HEY1: variants seen among roughly 807,000 people sequenced by gnomAD.
HEY1 encodes the protein hairy/enhancer-of-split related with YRPW motif protein 1.
Under a neutral mutation model 28.7 loss-of-function variants are expected in HEY1, and 9 were observed. The ratio of observed to expected loss-of-function variants is 0.31; its 90% CI spans 0.19 to 0.55. The LOEUF is 0.55. Among genes scored for constraint, HEY1 ranks in the 20% least tolerant of loss-of-function variants. The probability of loss-of-function intolerance (pLI) is 0.93; values close to 1 mark genes in which losing one functional copy is unlikely to be tolerated. For synonymous variants in HEY1, 213 were observed against 175.6 expected, an observed-to-expected ratio of 1.21 and a Z score of -1.68; for missense variants, 385 against 399.4, an observed-to-expected ratio of 0.96 and a Z score of 0.31.
At chr8:79,766,407 C>A in intron 4 of HEY1, 1 of 1,451,680 alleles carries the variant, frequency 6.9e-7, no homozygotes, top group South Asian at 1.5e-5. Context: ...GAAGACCTCA[C>A]AAATAATAGG....
chr8:79,767,461 G>C (rs1807874458), intron 1 of HEY1, 114 bp downstream of exon 1: 2 of 1,162,356 alleles, frequency 1.7e-6, no homozygotes, highest in Non-Finnish European at 2.4e-6. Flanking sequence ...CCTGCGACGC[G>C]CGGAGGTCAG....
At position 79,766,639 on chromosome 8, in the gene HEY1, TAGG is replaced by T. The variant is rs780557762; in HGVS notation, c.331+9_331+11del. 2 of 1,614,000 alleles carry T rather than the reference TAGG, an allele frequency of 1.2e-6. No homozygotes were observed. Among genetic ancestry groups the T allele is most frequent in the African/African-American group, 2.7e-5 (2 of 74,920 alleles). On this transcript the variant is annotated intron_variant, in intron 4 of 4. Transcript: ENST00000354724. ...AACCATTCAGAGCCCCCACTAGGTC[TAGG>T]AGATGTACCTTTCCCTCCTGCCGTA...
chr8:79,766,626 C>A (rs1159942486), intron 4 of HEY1, 25 bp downstream of exon 4: 6 of 1,613,302 alleles, frequency 3.7e-6, no homozygotes, highest in Non-Finnish European at 5.1e-6. Context: ...CCATTCAGAG[C>A]CCCCACTAGG....
intron 4 of HEY1, chr8:79,766,348 G>T: frequency 3.4e-6 from 5 of 1,486,334 alleles, no homozygotes; most frequent in Non-Finnish European, 4.4e-6. Context: ...AAATAGCAAT[G>T]GACAAATGTG....
At position 79,767,278 on chromosome 8, in the gene HEY1, G is replaced by C. The variant is rs752584773; in HGVS notation, c.106C>G (p.Leu36Val). The change falls in exon 2 of 5, where the codon CTA (leucine) becomes GTA (valine). Residue 36 changes from leucine (L) to valine (V), a missense_variant. Around this residue, in one of 3 missense-constraint regions of HEY1, gnomAD observed 79 missense variants for 60.7 expected, o/e 1.30. Transcript: ENST00000354724. Reference protein sequence around the residue: ...ADENGNLSSALGSMSPTTSSQ... With the variant: ...ADENGNLSSAVGSMSPTTSSQ... Reference sequence around the variant, plus strand: ...GATGTAGTTGGGGACATGGAACCTAGAGCCGAACTCAAGTTTCTGAAAAGA... The same window carrying C: ...GATGTAGTTGGGGACATGGAACCTACAGCCGAACTCAAGTTTCTGAAAAGA... 1 of 1,612,782 alleles carries C rather than the reference G, an allele frequency of 6.2e-7. No homozygotes were observed. The highest frequency in any genetic ancestry group is 8.5e-7 in the Non-Finnish European group (1 of 1,179,624).
chr8:79,765,604 C>T lies in HEY1; in HGVS notation c.499G>A (p.Ala167Thr). ...AGGCCCGCGTGGGCGCCGCTCGCGGCTTCCCGCTGGGAAGCGTAGTTGTTG... is the reference window on the plus strand; with the variant it reads ...AGGCCCGCGTGGGCGCCGCTCGCGGTTTCCCGCTGGGAAGCGTAGTTGTTG... ...HLNNYASQRE[A>T]ASGAHAGLGH... The change falls in exon 5 of 5, where the codon GCC becomes ACC. Residue 167 changes from alanine (A) to threonine (T), a missense_variant. Physicochemically the swap from Ala to Thr is moderately conservative, Grantham distance 58 (BLOSUM62 0). Transcript: ENST00000354724. 1 of 1,614,172 alleles carries T rather than the reference C, an allele frequency of 6.2e-7. No homozygotes were observed. Among genetic ancestry groups the T allele is most frequent in the South Asian group, 1.1e-5 (1 of 91,088 alleles).
intron 4 of HEY1, chr8:79,766,434 G>T: frequency 6.8e-7 from 1 of 1,466,996 alleles, no homozygotes. Context: ...TCCAAAAGAT[G>T]CACTAGCTCA....
chr8:79,764,716 C>T lies in HEY1; in HGVS notation c.*472G>A, dbSNP rs1297072086. 4.5e-6 allele frequency: 1 copy of T among 221,256 alleles called. No individual in the cohort carries two copies. Among genetic ancestry groups the T allele is most frequent in the East Asian group, 6.7e-5 (1 of 14,970 alleles). The allele number at this position is 221,256 out of a possible 1,614,324, so 13.7% of individuals were successfully genotyped here. On this transcript the variant is annotated 3_prime_UTR_variant, in exon 5 of 5. Coordinates refer to ENST00000354724, the MANE Select transcript of HEY1 (RefSeq NM_012258.4). ...CAAAAGAATATTATTTATACAACACCTTAATCTGTCAAAATATTAACAAAC... is the reference window on the plus strand; with the variant it reads ...CAAAAGAATATTATTTATACAACACTTTAATCTGTCAAAATATTAACAAAC...
rs1223168113 is a variant in HEY1, at chr8:79,765,158, C to T, written c.*30G>A. ...AGTCCAGCCCAGCTGGGATTTTAAA[C>T]TTTCCCCTCCCTCATTCTACATCAG... is the stretch of plus-strand genomic sequence containing the variant. On this transcript the variant is annotated 3_prime_UTR_variant, in exon 5 of 5. Transcript: ENST00000354724. 3 of 1,459,716 alleles carry T rather than the reference C, an allele frequency of 2.1e-6. No homozygotes were observed. Among genetic ancestry groups the T allele is most frequent in the Non-Finnish European group, 2.8e-6 (3 of 1,083,202 alleles). 90.4% of individuals were successfully genotyped at this position (1,459,716 alleles called of 1,614,324 possible).
Position 79,766,662 on chromosome 8 carries a change from G to T in HEY1, c.320C>A (p.Ala107Glu). 6.2e-7 allele frequency: 1 copy of T among 1,614,158 alleles called. No homozygotes were observed. Among genetic ancestry groups the T allele is most frequent in the Non-Finnish European group, 8.5e-7 (1 of 1,180,048 alleles). The change falls in exon 4 of 5, where the codon GCA (alanine) becomes GAA (glutamate). Residue 107 changes from alanine to glutamate, a missense_variant. This residue lies in a region of HEY1 where 83 missense variants were observed against 122.7 expected (regional missense o/e 0.68). Coordinates refer to ENST00000354724, the MANE Select transcript of HEY1 (RefSeq NM_012258.4). ...TVDHLKMLHT[A>E]GGKGYFDAHA... is the part of the protein sequence containing the mutation. The stretch of plus-strand genomic sequence containing the variant: ...TCTAGGAGATGTACCTTTCCCTCCT[G>T]CCGTATGCAGCATTTTCAGGTGATC...
chr8:79,764,441 T>A lies in HEY1; in HGVS notation c.*747A>T, dbSNP rs967966731. 10 of 226,408 alleles carry A rather than the reference T, an allele frequency of 4.4e-5. No homozygotes were observed. The Admixed American group carries it at 5.7e-4, about 13-fold the overall frequency. The allele number at this position is 226,408 out of a possible 1,614,324, so 14.0% of individuals were successfully genotyped here. ...CGTATTCTATTCAATTACCTTCAGT[T>A]TCCTTTCCACCAACACTCCAAATGA... On this transcript the variant is annotated 3_prime_UTR_variant, in exon 5 of 5. Transcript: ENST00000354724.
chr8:79,767,046 T>A lies in HEY1; in HGVS notation c.212A>T (p.Glu71Val). The change falls in exon 3 of 5, where the codon GAG becomes GTG. Residue 71 changes from glutamate to valine, a missense_variant. Glu to Val is a moderately radical substitution (Grantham distance 121). Around this residue, in one of 3 missense-constraint regions of HEY1, gnomAD observed 83 missense variants for 122.7 expected, o/e 0.68. Transcript: ENST00000354724. ...RRDRINNSLS[E>V]LRRLVPSAFE... The stretch of plus-strand genomic sequence containing the variant: ...AGCACTGGGTACCAGCCTTCTCAGC[T>A]CAGACAAACTGTTATTGATCCGGTC... 1 of 1,614,104 alleles carries A rather than the reference T, an allele frequency of 6.2e-7. No homozygotes were observed. Among genetic ancestry groups the A allele is most frequent in the Non-Finnish European group, 8.5e-7 (1 of 1,180,006 alleles).
chr8:79,767,136 C>A (rs751331089), intron 2 of HEY1, 44 bp from the exon 3 acceptor site: 45 of 1,587,176 alleles, frequency 2.8e-5, no homozygotes, highest in Non-Finnish European at 3.7e-5. Flanking sequence ...ACCATTACGA[C>A]TGTAAATTTC....
Position 79,766,722 on chromosome 8 carries a change from T to C in HEY1, c.260A>G (p.Lys87Arg). 1.2e-6 allele frequency: 2 copies of C among 1,614,204 alleles called. No homozygotes were observed. Among genetic ancestry groups the C allele is most frequent in the Non-Finnish European group, 1.7e-6 (2 of 1,180,024 alleles). ...CTGCAGGATCTCGGCTTTTTCTAGC[T>C]TAGCAGATCCCTAAAGATGAGAATG... is the stretch of plus-strand genomic sequence containing the variant. ...PSAFEKQGSA[K>R]LEKAEILQMT... Residue 87 changes from lysine to arginine, a missense_variant, in exon 4 of 5, where the codon AAG becomes AGG. Lys to Arg is a conservative substitution (Grantham distance 26). Coordinates refer to ENST00000354724, the MANE Select transcript of HEY1 (RefSeq NM_012258.4).
At chr8:79,767,152 CAAAA>C in intron 2 of HEY1, 60 bp from the exon 3 acceptor site, 2 of 1,544,898 alleles carry the variant, frequency 1.3e-6, no homozygotes, top group Admixed American at 1.9e-5. Context: ...ATTTCAAAGA[CAAAA>C]AAAAAGGTGG....
intron 2 of HEY1, 57 bp from the exon 3 acceptor site, chr8:79,767,149 A>G: frequency 6.3e-7 from 1 of 1,590,552 alleles, no homozygotes; most frequent in Non-Finnish European, 8.6e-7. Flanking sequence ...TAAATTTCAA[A>G]GACAAAAAAA....
In HEY1 at chr8:79,764,690, C is replaced by T. The variant is rs1016634982; in HGVS notation, c.*498G>A. The T allele has an allele frequency of 4.5e-6, 1 of 221,624 alleles. No homozygotes were observed. The highest frequency in any genetic ancestry group is 5.8e-5 in the Admixed American group (1 of 17,366). 13.7% of individuals were successfully genotyped at this position (221,624 alleles called of 1,614,324 possible). ...AAAATTCAATATAGTTCCCCTCCCC[C>T]CAAAAGAATATTATTTATACAACAC... On this transcript the variant is annotated 3_prime_UTR_variant, in exon 5 of 5. Coordinates refer to ENST00000354724, the MANE Select transcript of HEY1 (RefSeq NM_012258.4).
At position 79,767,694 on chromosome 8, in the gene HEY1, C is replaced by A; in HGVS notation, c.-31G>T. 1 of 1,538,162 alleles carries A rather than the reference C, an allele frequency of 6.5e-7. No homozygotes were observed. On this transcript the variant is annotated 5_prime_UTR_variant, in exon 1 of 5. Transcript: ENST00000354724. ...CTCCCTGGGGGTTCCTGGGGAGGGT[C>A]GGCGCGGCGGGCAGGGAGGAGTTAA...
Position 79,765,565 on chromosome 8 carries a change from A to G in HEY1, c.538T>C (p.Trp180Arg), listed in dbSNP as rs1807812309. The change falls in exon 5 of 5, where the codon TGG becomes CGG. Residue 180 changes from tryptophan to arginine, a missense_variant. Coordinates refer to ENST00000354724, the MANE Select transcript of HEY1 (RefSeq NM_012258.4). ...GAHAGLGHIP[W>R]GTVFGHHPHI... Reference sequence around the variant, plus strand: ...GGGTGATGTCCGAAGACGGTCCCCCAGGGAATGTGTCCGAGGCCCGCGTGG... The same window carrying G: ...GGGTGATGTCCGAAGACGGTCCCCCGGGGAATGTGTCCGAGGCCCGCGTGG... 1 of 1,614,016 alleles carries G rather than the reference A, an allele frequency of 6.2e-7. No individual in the cohort carries two copies. The highest frequency in any genetic ancestry group is 1.7e-5 in the Admixed American group (1 of 60,012).
Sources: allele counts gnomAD v4.1 joint callset, GRCh38; gene constraint gnomAD v4.1.1; regional missense constraint gnomAD v4.1.1; transcripts MANE v1.5; gene names NCBI Gene and HGNC (gene_info 2026-07-23, HGNC 2026-07-21).